ARHGAP26: variants seen among roughly 807,000 people sequenced by gnomAD.
ARHGAP26 encodes the protein Rho GTPase activating protein 26, also known as rho GTPase-activating protein 26.
Under a neutral mutation model 104.8 loss-of-function variants are expected in ARHGAP26, and 38 were observed. The ratio of observed to expected loss-of-function variants is 0.36; its 90% CI spans 0.28 to 0.48. The LOEUF is 0.48. Ranked by LOEUF, ARHGAP26 falls within the 20% of genes least tolerant of loss-of-function variation. The probability of loss-of-function intolerance (pLI) is 0.99; values close to 1 mark genes in which losing one functional copy is unlikely to be tolerated. For synonymous variants in ARHGAP26, 341 were observed against 340.0 expected (o/e 1.00, Z -0.03); for missense variants, 704 against 947.9 (o/e 0.74, Z 3.38).
At chr5:143,156,549 G>C (rs185331618) in intron 20 of ARHGAP26, among the ~76,000 whole-genome samples, 3 of 152,306 alleles carry the variant, frequency 2.0e-5, no homozygotes, top group East Asian at 3.9e-4. Context: ...GGAGGGCCCT[G>C]CAATCTGTGT....
chr5:142,876,005 A>T (rs1309063556), intron 3 of ARHGAP26, among the ~76,000 whole-genome samples: 1 of 152,190 alleles, frequency 6.6e-6, no homozygotes, highest in East Asian at 1.9e-4. Flanking sequence ...GCCTCTCAAA[A>T]TGCTGGGATT....
chr5:142,961,871 T>G (rs558656359), intron 11 of ARHGAP26, among the ~76,000 whole-genome samples: 1 of 152,348 alleles, frequency 6.6e-6, no homozygotes, highest in African/African-American at 2.4e-5. Flanking sequence ...TTTTCCTGCT[T>G]GCAAATTCTC....
intron 17 of ARHGAP26, among the ~76,000 whole-genome samples, chr5:143,077,827 G>C (rs541994683): frequency 6.6e-6 from 1 of 152,166 alleles, no homozygotes; most frequent in African/African-American, 2.4e-5. Context: ...TAGAGGGTTC[G>C]AAGGCCAAGA....
At chr5:143,162,006 C>G (rs955739169) in intron 20 of ARHGAP26, among the ~76,000 whole-genome samples, 1 of 152,188 alleles carries the variant, frequency 6.6e-6, no homozygotes, top group Non-Finnish European at 1.5e-5. Flanking sequence ...GTCATCATAT[C>G]AGACGTCACA....
rs1414408846 is a variant in ARHGAP26, at chr5:143,012,548, C to CATATATATATATATTTATATAT, written c.1108-1529_1108-1528insTATATATATATTTATATATATA. On this transcript the variant is annotated intron_variant, in intron 11 of 22. Coordinates refer to ENST00000645722, the MANE Select transcript of ARHGAP26 (RefSeq NM_001135608.3). Reference sequence around the variant, plus strand: ...CTGGAGGGATATATTTATATACATACATACATATATATATATATATATATA... The same window carrying CATATATATATATATTTATATAT: ...CTGGAGGGATATATTTATATACATACATATATATATATATTTATATATATACATATATATATATATATATATA... Among the ~76,000 whole-genome samples the CATATATATATATATTTATATAT allele has an allele frequency of 5.6e-4, 13 of 23,342 alleles. 2 individuals carry two copies. Among genetic ancestry groups the CATATATATATATATTTATATAT allele is most frequent in the Non-Finnish European group, 1.2e-3 (11 of 9,418 alleles). The allele number at this position is 23,342 out of a possible 152,430, so 15.3% of individuals were successfully genotyped here.
intron 17 of ARHGAP26, among the ~76,000 whole-genome samples, chr5:143,100,340 T>C (rs969927476): frequency 5.3e-5 from 8 of 152,186 alleles, no homozygotes; most frequent in Non-Finnish European, 1.0e-4. Context: ...CCTTGAATAA[T>C]AAATAAGAGC....
intron 11 of ARHGAP26, among the ~76,000 whole-genome samples, chr5:142,973,954 C>T (rs918648524): frequency 6.6e-6 from 1 of 152,204 alleles, no homozygotes; most frequent in Admixed American, 6.5e-5. Context: ...CCTTTTCCCA[C>T]ATACATTTTG....
chr5:142,923,782 A>C (rs921527004), intron 10 of ARHGAP26, among the ~76,000 whole-genome samples: 1 of 151,564 alleles, frequency 6.6e-6, no homozygotes, highest in Non-Finnish European at 1.5e-5. Flanking sequence ...TAATTATTTT[A>C]GGAACATTCC....
chr5:143,045,227 C>T (rs1784054236), intron 14 of ARHGAP26, among the ~76,000 whole-genome samples: 1 of 152,174 alleles, frequency 6.6e-6, no homozygotes, highest in African/African-American at 2.4e-5. Context: ...AAAGTAATAA[C>T]TAGCAGCTGA....
At chr5:143,152,119 G>A (rs181419350) in intron 20 of ARHGAP26, among the ~76,000 whole-genome samples, 112 of 152,134 alleles carry the variant, frequency 7.4e-4, no homozygotes, top group African/African-American at 2.1e-3. Flanking sequence ...TATTTTTTTC[G>A]CGGTGAGACT....
At chr5:142,991,983 T>C (rs1302139217) in intron 11 of ARHGAP26, among the ~76,000 whole-genome samples, 9 of 152,252 alleles carry the variant, frequency 5.9e-5, no homozygotes, top group Non-Finnish European at 1.3e-4. Context: ...ACATCTATAC[T>C]AGTTGCTACC....
intron 20 of ARHGAP26, among the ~76,000 whole-genome samples, chr5:143,159,209 C>T (rs1279516686): frequency 6.6e-6 from 1 of 152,188 alleles, no homozygotes; most frequent in Non-Finnish European, 1.5e-5. Flanking sequence ...GTCTCCTTCC[C>T]CCTGCTAGTC....
chr5:142,997,699 G>C (rs1776607568), intron 11 of ARHGAP26, among the ~76,000 whole-genome samples: 1 of 151,760 alleles, frequency 6.6e-6, no homozygotes, highest in Admixed American at 6.6e-5. Context: ...TTAGAGGTGG[G>C]AGATACTGCA....
chr5:142,787,086 TC>T (rs749863136), intron 1 of ARHGAP26, among the ~76,000 whole-genome samples: 11 of 152,200 alleles, frequency 7.2e-5, no homozygotes, highest in Non-Finnish European at 7.3e-5. Flanking sequence ...CTGTTATACT[TC>T]CTGTGTTACA....
In ARHGAP26 at chr5:143,185,676, CAA is replaced by C. The variant is rs1805033929; in HGVS notation, c.1989-21521_1989-21520del. On this transcript the variant is annotated intron_variant, in intron 20 of 22. Coordinates refer to ENST00000645722, the MANE Select transcript of ARHGAP26 (RefSeq NM_001135608.3). ...CAAGTATCAATCCTTGCCATTCTGT[CAA>C]GAGAGCACTTTCTGTTTACCAGACA... 4.6e-5 allele frequency among the ~76,000 whole-genome samples: 7 copies of C among 152,340 alleles called. No homozygotes were observed. In the South Asian group the frequency reaches 1.5e-3, roughly 32 times the overall value.
intron 1 of ARHGAP26, 68 bp downstream of exon 1, chr5:142,770,983 C>G: frequency 1.3e-6 from 2 of 1,494,340 alleles, no homozygotes; most frequent in Non-Finnish European, 1.8e-6. Flanking sequence ...GCGCTTAGCC[C>G]GGGTTGCCCG....
At chr5:142,849,144 A>T (rs937796336) in intron 1 of ARHGAP26, among the ~76,000 whole-genome samples, 5 of 152,200 alleles carry the variant, frequency 3.3e-5, no homozygotes, top group African/African-American at 7.2e-5. Context: ...GCATAAAGGG[A>T]TGGGAGTCAA....
intron 18 of ARHGAP26, among the ~76,000 whole-genome samples, chr5:143,122,564 A>T (rs1796267324): frequency 6.6e-6 from 1 of 152,240 alleles, no homozygotes; most frequent in Admixed American, 6.5e-5. Context: ...GCGATTCTAG[A>T]ATTGGGCAAC....
rs34880113 is a variant in ARHGAP26, at chr5:142,945,315, C to G, written c.1107+13190C>G. Among the ~76,000 whole-genome samples, 1,161 of 152,308 alleles carry G rather than the reference C, an allele frequency of 7.6e-3. 23 individuals carry two copies. Among genetic ancestry groups the G allele is most frequent in the African/African-American group, 0.025 (1,053 of 41,558 alleles). On this transcript the variant is annotated intron_variant, in intron 11 of 22. Coordinates refer to ENST00000645722, the MANE Select transcript of ARHGAP26 (RefSeq NM_001135608.3). The stretch of plus-strand genomic sequence containing the variant: ...TATCTCAGAGAAGAGATGGAAGATG[C>G]CTGCCACTCACTATACCTATTCTAT...
Sources: gnomAD v4.1 joint callset for allele counts (sites outside exome capture counted in the v4.1 genomes callset) on GRCh38, gnomAD v4.1.1 for gene constraint, MANE v1.5 for transcripts, NCBI Gene and HGNC (gene_info 2026-07-23, HGNC 2026-07-21) for gene names.